Variants in GRIP2 observed in about 807,000 individuals in gnomAD.
GRIP2 encodes glutamate receptor interacting protein 2.
GRIP2 carries 58 observed loss-of-function variants against 108.3 expected under a neutral mutation model. That is an observed-to-expected ratio of 0.54 (90% confidence interval 0.43 to 0.67). The LOEUF is 0.67. Ranked by LOEUF, GRIP2 falls within the 30% of genes least tolerant of loss-of-function variation. GRIP2 has a pLI of 0.00. For synonymous variants in GRIP2, 586 were observed against 598.2 expected, an observed-to-expected ratio of 0.98 and a Z score of 0.30; for missense variants, 1,278 against 1,430.6, an observed-to-expected ratio of 0.89 and a Z score of 1.72.
Position 14,489,240 on chromosome 3 carries a change from C to T in GRIP2, c.*4425G>A, listed in dbSNP as rs1701266002. The T allele has an allele frequency of 6.6e-6, 1 of 152,298 alleles. No homozygotes were observed. The highest frequency in any genetic ancestry group is 1.5e-5 in the Non-Finnish European group (1 of 67,986). The allele number at this position is 152,298 out of a possible 1,614,324, so 9.4% of individuals were successfully genotyped here. ...TTTGCAGGGGTTTTTTTCTCTTTTG[C>T]TTTTTAGATAAATATGTATATCAAT... On this transcript the variant is annotated 3_prime_UTR_variant, in exon 24 of 24. Transcript: ENST00000621039.
chr3:14,510,682 T>C (rs1694063243), intron 16 of GRIP2, among the ~76,000 whole-genome samples: 1 of 152,202 alleles, frequency 6.6e-6, no homozygotes, highest in Non-Finnish European at 1.5e-5. Flanking sequence ...AGGGATTCAC[T>C]TTCCAGTTGG....
At chr3:14,544,909 G>A (rs1307217092), upstream of GRIP2, among the ~76,000 whole-genome samples, 2 of 152,190 alleles carry the variant, frequency 1.3e-5, no homozygotes, top group Admixed American at 6.5e-5. Flanking sequence ...CTCTGTCCAA[G>A]GTATTCCACA....
intron 1 of GRIP2, among the ~76,000 whole-genome samples, chr3:14,551,500 T>A (rs543445475): frequency 6.6e-6 from 1 of 151,962 alleles, no homozygotes; most frequent in African/African-American, 2.4e-5. Context: ...TGGATGGAGG[T>A]GACAGCCAGG....
In GRIP2 at chr3:14,509,962, C is replaced by T. The variant is rs762589182; in HGVS notation, c.1936G>A (p.Glu646Lys). ...CTGACGGCACCTGTGGTCTCCAGCT[C>T]ATCTGCAAGCACGGGGACCCATGAG... Reference protein sequence around the residue: ...KIRKDEDNSDELETTGAVSYT... With the variant: ...KIRKDEDNSDKLETTGAVSYT... Residue 646 changes from glutamate to lysine, a missense_variant and splice_region_variant, in exon 17 of 24, where the codon GAG becomes AAG. Transcript: ENST00000621039. The T allele has an allele frequency of 6.7e-7, 1 of 1,500,936 alleles. No homozygotes were observed. Among genetic ancestry groups the T allele is most frequent in the Admixed American group, 2.1e-5 (1 of 46,934 alleles). The allele number at this position is 1,500,936 out of a possible 1,614,324, so 93.0% of individuals were successfully genotyped here.
chr3:14,500,086 CA>C (rs1264921921), intron 21 of GRIP2, among the ~76,000 whole-genome samples: 3 of 151,792 alleles, frequency 2.0e-5, no homozygotes, highest in African/African-American at 4.8e-5. Flanking sequence ...CAAAACAAAA[CA>C]AAATTGTAGG....
upstream of GRIP2, among the ~76,000 whole-genome samples, chr3:14,557,013 G>A (rs1695245993): frequency 6.6e-6 from 1 of 152,230 alleles, no homozygotes; most frequent in South Asian, 2.1e-4. Flanking sequence ...CATAGGAAGG[G>A]CAAGACACCC....
chr3:14,601,775 G>A, the GRIP2 span, among the ~76,000 whole-genome samples: 3 of 152,178 alleles, frequency 2.0e-5, no homozygotes, highest in African/African-American at 7.2e-5. Context: ...TCCCACACAG[G>A]AGCTCTGGGC....
chr3:14,588,472 C>T, the GRIP2 span, among the ~76,000 whole-genome samples: 3 of 152,008 alleles, frequency 2.0e-5, no homozygotes, highest in Non-Finnish European at 4.4e-5. Flanking sequence ...AGCCTCAAGC[C>T]CCTCCCCACT....
chr3:14,601,264 G>A, the GRIP2 span, among the ~76,000 whole-genome samples: 1 of 152,106 alleles, frequency 6.6e-6, no homozygotes, highest in African/African-American at 2.4e-5. Context: ...CCTTTAAAGA[G>A]GCAGAAAGTG....
chr3:14,506,335 C>T (rs1226725674), intron 19 of GRIP2, among the ~76,000 whole-genome samples: 1 of 152,364 alleles, frequency 6.6e-6, no homozygotes, highest in East Asian at 1.9e-4. Context: ...CGGCCACCTC[C>T]GGGTCTCAAC....
chr3:14,545,477 G>C (rs1419606847), upstream of GRIP2, among the ~76,000 whole-genome samples: 1 of 152,240 alleles, frequency 6.6e-6, no homozygotes, highest in Non-Finnish European at 1.5e-5. Flanking sequence ...AGAGGGGCTG[G>C]GAACCCCTGA....
At chr3:14,543,857 G>A (rs1032854986), upstream of GRIP2, among the ~76,000 whole-genome samples, 1 of 152,212 alleles carries the variant, frequency 6.6e-6, no homozygotes, top group African/African-American at 2.4e-5. Flanking sequence ...ACTGGAAGAC[G>A]GATTCCTGTG....
intron 1 of GRIP2, among the ~76,000 whole-genome samples, chr3:14,535,207 TG>T (rs1427894524): frequency 1.3e-5 from 2 of 152,116 alleles, no homozygotes; most frequent in Non-Finnish European, 2.9e-5. Flanking sequence ...CGCCCCACCA[TG>T]GAAGGGATTG....
In GRIP2 at chr3:14,507,642, C is replaced by G; in HGVS notation, c.2137G>C (p.Gly713Arg). ...TGGATGGCCTCGCTCAGCGGCCGGC[C>G]CTTGAGGCTAACGTTGTTGATGGCC... is the stretch of plus-strand genomic sequence containing the variant. ...ILAINNVSLK[G>R]RPLSEAIHLL... Residue 713 changes from glycine (G) to arginine (R), a missense_variant, in exon 18 of 24, where the codon GGC becomes CGC. Gly to Arg is a moderately radical substitution (Grantham distance 125). Coordinates refer to ENST00000621039, the MANE Select transcript of GRIP2 (RefSeq NM_001080423.4). This position sits in a 1 kb window ranked among gnomAD's most constrained non-coding sequence, Gnocchi z 4.6. 1 of 1,613,976 alleles carries G rather than the reference C, an allele frequency of 6.2e-7. No homozygotes were observed. The highest frequency in any genetic ancestry group is 8.5e-7 in the Non-Finnish European group (1 of 1,179,886).
intron 1 of GRIP2, among the ~76,000 whole-genome samples, chr3:14,527,432 AGG>A (rs1694591231): frequency 1.6e-5 from 2 of 123,934 alleles, no homozygotes; most frequent in South Asian, 5.8e-4. Flanking sequence ...AGGGGAGGGG[AGG>A]GGAGGGAAGA....
At chr3:14,531,691 C>T (rs2124943241) in intron 1 of GRIP2, among the ~76,000 whole-genome samples, 1 of 152,320 alleles carries the variant, frequency 6.6e-6, no homozygotes, top group Admixed American at 6.5e-5. Context: ...GAAACAGGCT[C>T]AGAAAAGGGA....
At chr3:14,602,691 C>T in the GRIP2 span, among the ~76,000 whole-genome samples, 1 of 151,990 alleles carries the variant, frequency 6.6e-6, no homozygotes. This position sits in a 1 kb window ranked among gnomAD's most constrained non-coding sequence, Gnocchi z 4.7. Flanking sequence ...GTGGGCCCCA[C>T]TGCTGGCTTT....
At chr3:14,596,881 C>T in the GRIP2 span, among the ~76,000 whole-genome samples, 1 of 151,812 alleles carries the variant, frequency 6.6e-6, no homozygotes, top group Non-Finnish European at 1.5e-5. Context: ...GCTGGGACTA[C>T]AGGCACACGC....
chr3:14,540,587 C>G (rs1575029759), upstream of GRIP2, among the ~76,000 whole-genome samples: 1 of 152,278 alleles, frequency 6.6e-6, no homozygotes, highest in South Asian at 2.1e-4. This position sits in a 1 kb window ranked among gnomAD's most constrained non-coding sequence, Gnocchi z 4.1. Context: ...CCCCAGGGCT[C>G]TCAGGCAGAG....
Sources: gnomAD v4.1 joint callset for allele counts (sites outside exome capture counted in the v4.1 genomes callset) on GRCh38, gnomAD v4.1.1 for gene constraint, Gnocchi (gnomAD v3.1) non-coding constraint, MANE v1.5 for transcripts, NCBI Gene and HGNC (gene_info 2026-07-23, HGNC 2026-07-21) for gene names.